ZNF326: variants seen among roughly 807,000 people sequenced by gnomAD.
ZNF326 encodes DBIRD complex subunit ZNF326.
Under a neutral mutation model 63.1 loss-of-function variants are expected in ZNF326, and 30 were observed. The ratio of observed to expected loss-of-function variants is 0.48; its 90% CI spans 0.36 to 0.64. The LOEUF (loss-of-function observed/expected upper bound fraction) is 0.64. Among genes scored for constraint, ZNF326 ranks in the 30% least tolerant of loss-of-function variants. The probability of loss-of-function intolerance (pLI) is 0.00; values close to 1 mark genes in which losing one functional copy is unlikely to be tolerated. For synonymous variants in ZNF326, 194 were observed against 228.2 expected (o/e 0.85, Z 1.35); for missense variants, 609 against 720.3 (o/e 0.85, Z 1.77).
chr1:90,016,443 C>T (rs911840771), intron 7 of ZNF326, among the ~76,000 whole-genome samples: 3 of 152,016 alleles, frequency 2.0e-5, no homozygotes, highest in Non-Finnish European at 4.4e-5. Context: ...ATTCTGGTCA[C>T]GGTGGCTCAC....
intron 1 of ZNF326, among the ~76,000 whole-genome samples, chr1:89,995,915 A>G (rs1648344529): frequency 6.6e-6 from 1 of 152,236 alleles, no homozygotes; most frequent in African/African-American, 2.4e-5. Flanking sequence ...TATTTATGTG[A>G]ACCAAAGCAC....
At chr1:90,026,102 T>G (rs1473582512) in intron 11 of ZNF326, among the ~76,000 whole-genome samples, 2 of 152,118 alleles carry the variant, frequency 1.3e-5, no homozygotes, top group Non-Finnish European at 2.9e-5. Context: ...TAGCTGGGAC[T>G]ACAGGTGCCT....
rs1278460745 is a variant in ZNF326 at position 90,031,458 on chromosome 1, TA to T, written c.*3758del. On this transcript the variant is annotated 3_prime_UTR_variant, in exon 12 of 12. Transcript: ENST00000340281. Reference sequence around the variant, plus strand: ...TTTACCAAATTGTCCTTACTTTGAATATAAGCAAACTTTTTTATTGTGGTAA... The same window carrying T: ...TTTACCAAATTGTCCTTACTTTGAATTAAGCAAACTTTTTTATTGTGGTAA... 1.3e-5 allele frequency: 2 copies of T among 152,192 alleles called. No homozygotes were observed. Among genetic ancestry groups the T allele is most frequent in the African/African-American group, 4.8e-5 (2 of 41,446 alleles). 9.4% of individuals were successfully genotyped at this position (152,192 alleles called of 1,614,324 possible).
At chr1:90,020,955 A>C in intron 10 of ZNF326, 33 bp downstream of exon 10, 3 of 1,603,696 alleles carry the variant, frequency 1.9e-6, no homozygotes, top group Non-Finnish European at 2.6e-6. Flanking sequence ...TAAAGTTGCC[A>C]GATTATCCAT....
rs969149881 is a variant in ZNF326, at chr1:90,030,265, C to G, written c.*2564C>G. Reference sequence around the variant, plus strand: ...CTTGTTAACTAATCTTGATTCCACCCTTACCATGATAGATTCAGTTTTCTA... The same window carrying G: ...CTTGTTAACTAATCTTGATTCCACCGTTACCATGATAGATTCAGTTTTCTA... On this transcript the variant is annotated 3_prime_UTR_variant, in exon 12 of 12. Coordinates refer to ENST00000340281, the MANE Select transcript of ZNF326 (RefSeq NM_182976.4). 2.0e-5 allele frequency: 3 copies of G among 152,128 alleles called. No individual in the cohort carries two copies. The highest frequency in any genetic ancestry group is 4.4e-5 in the Non-Finnish European group (3 of 68,024). 9.4% of individuals were successfully genotyped at this position (152,128 alleles called of 1,614,324 possible).
At chr1:90,021,486 C>G (rs997698033) in intron 10 of ZNF326, among the ~76,000 whole-genome samples, 6 of 152,040 alleles carry the variant, frequency 3.9e-5, no homozygotes, top group Non-Finnish European at 7.4e-5. Flanking sequence ...TCTATTCTTA[C>G]ATTTTTTAGT....
intron 10 of ZNF326, 45 bp downstream of exon 10, chr1:90,020,967 A>G (rs1435469451): frequency 3.8e-6 from 6 of 1,596,388 alleles, no homozygotes; most frequent in African/African-American, 2.7e-5. Context: ...ATTATCCATC[A>G]ATCTTTTATT....
At chr1:90,024,162 C>T (rs1328787854) in intron 11 of ZNF326, among the ~76,000 whole-genome samples, 1 of 152,146 alleles carries the variant, frequency 6.6e-6, no homozygotes, top group African/African-American at 2.4e-5. Context: ...CTCCACTGTC[C>T]CTCCACTGTC....
At chr1:89,999,469 GTTTA>G (rs1029860371) in intron 2 of ZNF326, among the ~76,000 whole-genome samples, 5 of 152,144 alleles carry the variant, frequency 3.3e-5, no homozygotes, top group South Asian at 4.1e-4. Context: ...AGGGCCAGAT[GTTTA>G]TTTATTAATT....
chr1:90,025,860 T>C (rs780450642), intron 11 of ZNF326, among the ~76,000 whole-genome samples: 4 of 152,238 alleles, frequency 2.6e-5, no homozygotes, highest in Non-Finnish European at 4.4e-5. Context: ...TCTGCTTTTT[T>C]ATATGTATCA....
intron 1 of ZNF326, among the ~76,000 whole-genome samples, chr1:89,996,466 G>A (rs1420298900): frequency 6.6e-6 from 1 of 152,180 alleles, no homozygotes. Context: ...CCCTCTTGTA[G>A]ATACTTTTCA....
At position 90,033,455 on chromosome 1, in the gene ZNF326, A is replaced by G. The variant is rs1378978628; in HGVS notation, c.*5754A>G. The G allele has an allele frequency of 6.6e-6, 1 of 152,230 alleles. No individual in the cohort carries two copies. Among genetic ancestry groups the G allele is most frequent in the Non-Finnish European group, 1.5e-5 (1 of 68,030 alleles). 9.4% of individuals were successfully genotyped at this position (152,230 alleles called of 1,614,324 possible). ...TATGGAATAATAATTACTACTACTT[A>G]TAATAGTTTCATATGTAATCCTCAT... On this transcript the variant is annotated 3_prime_UTR_variant, in exon 12 of 12. Transcript: ENST00000340281.
chr1:90,032,335 C>T lies in ZNF326; in HGVS notation c.*4634C>T, dbSNP rs1308107474. 2 of 152,188 alleles carry T rather than the reference C, an allele frequency of 1.3e-5. No individual in the cohort carries two copies. The highest frequency in any genetic ancestry group is 2.9e-5 in the Non-Finnish European group (2 of 68,014). 9.4% of individuals were successfully genotyped at this position (152,188 alleles called of 1,614,324 possible). On this transcript the variant is annotated 3_prime_UTR_variant, in exon 12 of 12. Transcript: ENST00000340281. ...GTGCTGTTGATGGTGACAGATGGCC[C>T]CCTTGGCGACAGGGAAGTATGAAAT...
In ZNF326 at chr1:90,032,291, T is replaced by C. The variant is rs1029666876; in HGVS notation, c.*4590T>C. On this transcript the variant is annotated 3_prime_UTR_variant, in exon 12 of 12. Transcript: ENST00000340281. The stretch of plus-strand genomic sequence containing the variant: ...TTTAAAACAAAGTTGAAAAATATTA[T>C]ATTAGGGGTCAGGGTGAGGTGCTGT... The C allele has an allele frequency of 6.6e-6, 1 of 152,298 alleles. No homozygotes were observed. The highest frequency in any genetic ancestry group is 2.4e-5 in the African/African-American group (1 of 41,434). The allele number at this position is 152,298 out of a possible 1,614,324, so 9.4% of individuals were successfully genotyped here. A position where few individuals can be genotyped will look rare whatever the true frequency, so the allele number is the denominator to read the frequency against.
chr1:89,999,292 T>A, intron 2 of ZNF326, among the ~76,000 whole-genome samples: 1 of 148,074 alleles, frequency 6.8e-6, no homozygotes, highest in Non-Finnish European at 1.5e-5. Flanking sequence ...TAAAAATGAA[T>A]CCAGGATTTT....
At chr1:90,023,977 T>C (rs1404770591) in intron 11 of ZNF326, among the ~76,000 whole-genome samples, 1 of 152,180 alleles carries the variant, frequency 6.6e-6, no homozygotes, top group East Asian at 1.9e-4. Flanking sequence ...TGAATAAGAA[T>C]CTTCATTTTA....
rs977710704 is a variant in ZNF326 at position 90,034,186 on chromosome 1, G to A, written c.*6485G>A. 1 of 152,116 alleles carries A rather than the reference G, an allele frequency of 6.6e-6. No homozygotes were observed. Among genetic ancestry groups the A allele is most frequent in the Admixed American group, 6.5e-5 (1 of 15,274 alleles). 9.4% of individuals were successfully genotyped at this position (152,116 alleles called of 1,614,324 possible). ...ATACTGCTATTTTTGAAGTTCTGAG[G>A]GAGAACTGTTTTGAATTTAGACTTC... On this transcript the variant is annotated 3_prime_UTR_variant, in exon 12 of 12. Transcript: ENST00000340281.
In ZNF326 at chr1:90,035,240, T is replaced by C. The variant is rs1557540078; in HGVS notation, c.*7539T>C. 6.6e-6 allele frequency: 1 copy of C among 152,192 alleles called. No homozygotes were observed. Among genetic ancestry groups the C allele is most frequent in the Non-Finnish European group, 1.5e-5 (1 of 68,024 alleles). 9.4% of individuals were successfully genotyped at this position (152,192 alleles called of 1,614,324 possible). On this transcript the variant is annotated 3_prime_UTR_variant, in exon 12 of 12. Coordinates refer to ENST00000340281, the MANE Select transcript of ZNF326 (RefSeq NM_182976.4). ...GAAGTATTAGGAAGAGAAAACATAG[T>C]CCTTATTTTGAGCAGTGTGATTGTA...
chr1:90,023,687 A>G (rs1376311581), intron 11 of ZNF326, among the ~76,000 whole-genome samples: 1 of 152,226 alleles, frequency 6.6e-6, no homozygotes, highest in Non-Finnish European at 1.5e-5. Flanking sequence ...CTTCTGAGAA[A>G]GTGGTTTCTA....
Sources: gnomAD v4.1 joint callset for allele counts (sites outside exome capture counted in the v4.1 genomes callset) on GRCh38, gnomAD v4.1.1 for gene constraint, MANE v1.5 for transcripts, NCBI Gene and HGNC (gene_info 2026-07-23, HGNC 2026-07-21) for gene names.